The following VGLL1 variants were observed in gnomAD, a reference collection of about 807,000 sequenced individuals.
VGLL1 encodes vestigial like family member 1.
A neutral mutation model predicts 12.0 loss-of-function variants in VGLL1; 4 were observed. The observed-to-expected ratio is 0.33, with a 90% CI of 0.16 to 0.76. The LOEUF is 0.76. Among genes scored for constraint, VGLL1 ranks in the 30% least tolerant of loss-of-function variants. The pLI is 0.60. For missense variants in VGLL1, 204 were observed against 208.7 expected, an observed-to-expected ratio of 0.98 and a Z score of 0.14; for synonymous variants, 87 against 81.2, an observed-to-expected ratio of 1.07 and a Z score of -0.39.
chrX:136,554,642 G>T (rs1435041722), intron 4 of VGLL1, among the ~76,000 whole-genome samples: 1 of 112,142 alleles, frequency 8.9e-6, no homozygotes, highest in African/African-American at 3.2e-5. Flanking sequence ...GAGGCAAGAA[G>T]CATGAGAGGA....
chrX:136,543,028 C>T (rs891936613), intron 2 of VGLL1, among the ~76,000 whole-genome samples: 2 of 111,729 alleles, frequency 1.8e-5, no homozygotes, highest in Non-Finnish European at 3.8e-5. Context: ...AAGTGACTTG[C>T]CCAAGATCTC....
In VGLL1 at chrX:136,548,706, C is replaced by A; in HGVS notation, c.332C>A (p.Ala111Asp). ...AACTTGCATGTGCCTGGTCCCATGG[C>A]TGTGAATCAGTTCTCACCGTCCCTG... Reference protein sequence around the residue: ...NCNLHVPGPMAVNQFSPSLAR... With the variant: ...NCNLHVPGPMDVNQFSPSLAR... Residue 111 changes from alanine to aspartate, a missense_variant, in exon 3 of 5, where the codon GCT becomes GAT. Ala to Asp is a moderately radical substitution (Grantham distance 126, BLOSUM62 -2). Transcript: ENST00000370634. The A allele has an allele frequency of 8.3e-7, 1 of 1,212,051 alleles. No homozygotes were observed. Among genetic ancestry groups the A allele is most frequent in the Non-Finnish European group, 1.1e-6 (1 of 895,608 alleles).
Position 136,556,452 on chromosome X carries a change from T to C in VGLL1, c.690T>C (p.Thr230=), listed in dbSNP as rs762245255. Residue 230 remains threonine (T), a splice_region_variant and synonymous_variant, in exon 5 of 5, where the codon ACT becomes ACC. Coordinates refer to ENST00000370634, the MANE Select transcript of VGLL1 (RefSeq NM_016267.4). The part of the protein sequence containing the change: ...GSASTSLPNE[T]LSELETPGKY... The stretch of plus-strand genomic sequence containing the variant: ...TTAACCATGTAACTTCTCCTTTAGC[T>C]CTTTCAGAGTTAGAGACACCTGGGA... 4 of 1,209,554 alleles carry C rather than the reference T, an allele frequency of 3.3e-6. No homozygotes were observed. The Admixed American group carries it at 8.7e-5, about 26-fold the overall frequency.
chrX:136,542,106 G>C (rs757241254), intron 2 of VGLL1, among the ~76,000 whole-genome samples: 20 of 109,682 alleles, frequency 1.8e-4, no homozygotes, highest in Non-Finnish European at 3.0e-4. Context: ...GAAGGTGAGA[G>C]GGTATATACG....
rs150422310 is a variant in VGLL1 at position 136,536,731 on chromosome X, T to A, written c.214+497T>A. Reference sequence around the variant, plus strand: ...TATTTGACTATTGCATACTCCTCCATTAAATGAAAGTTCTGTGAGGGCAAG... The same window carrying A: ...TATTTGACTATTGCATACTCCTCCAATAAATGAAAGTTCTGTGAGGGCAAG... On this transcript the variant is annotated intron_variant, in intron 2 of 4. Transcript: ENST00000370634. Among the ~76,000 whole-genome samples, 871 of 112,407 alleles carry A rather than the reference T, an allele frequency of 7.7e-3. 12 individuals carry two copies. Among genetic ancestry groups the A allele is most frequent in the African/African-American group, 0.026 (814 of 30,970 alleles).
chrX:136,546,997 C>G (rs112832350), intron 2 of VGLL1, among the ~76,000 whole-genome samples: 4 of 113,169 alleles, frequency 3.5e-5, no homozygotes, highest in African/African-American at 1.3e-4. Flanking sequence ...TTGGACTTCT[C>G]TTCCTATCCT....
chrX:136,555,005 G>A (rs2075897364), intron 4 of VGLL1, among the ~76,000 whole-genome samples: 1 of 112,332 alleles, frequency 8.9e-6, no homozygotes, highest in Admixed American at 9.4e-5. Flanking sequence ...AGACATAGAA[G>A]AGAGGAGAGC....
At chrX:136,544,725 T>G (rs943192819) in intron 2 of VGLL1, among the ~76,000 whole-genome samples, 5 of 112,498 alleles carry the variant, frequency 4.4e-5, no homozygotes, top group Admixed American at 3.7e-4. Context: ...CCACCTCTGA[T>G]GTGTTATTCC....
intron 1 of VGLL1, among the ~76,000 whole-genome samples, chrX:136,532,633 CTTTCTTTCTTTCTTTCTTTCT>C (rs2075827388): frequency 1.1e-5 from 1 of 94,526 alleles, no homozygotes; most frequent in Non-Finnish European, 2.1e-5. Flanking sequence ...TTCTTTCTTT[CTTTCTTTCTTTCTTTCTTTCT>C]TTCTTTCTTT....
At chrX:136,541,378 G>A (rs963974365) in intron 2 of VGLL1, among the ~76,000 whole-genome samples, 10 of 112,018 alleles carry the variant, frequency 8.9e-5, no homozygotes, top group Non-Finnish European at 1.9e-4. Context: ...CCCTCACAGA[G>A]TGTGGTGCGG....
intron 3 of VGLL1, among the ~76,000 whole-genome samples, chrX:136,549,683 A>G (rs998502442): frequency 3.6e-5 from 4 of 110,488 alleles, no homozygotes; most frequent in Non-Finnish European, 5.7e-5. Context: ...TTCACCCAGC[A>G]AATATTTAAT....
chrX:136,540,018 C>A (rs2075851342), intron 2 of VGLL1, among the ~76,000 whole-genome samples: 1 of 111,564 alleles, frequency 9.0e-6, no homozygotes, highest in Non-Finnish European at 1.9e-5. Context: ...TATCCAAGAT[C>A]TGACCGCATC....
At chrX:136,553,787 C>T (rs1383642036) in intron 4 of VGLL1, among the ~76,000 whole-genome samples, 3 of 111,776 alleles carry the variant, frequency 2.7e-5, no homozygotes, top group Non-Finnish European at 3.8e-5. Context: ...CCCTAGTCCC[C>T]TCATGTGGGC....
chrX:136,556,366 G>A (rs1312324313), intron 4 of VGLL1, 85 bp from the exon 5 acceptor site: 4 of 727,746 alleles, frequency 5.5e-6, no homozygotes, highest in South Asian at 2.4e-5. Context: ...ACATCCCACA[G>A]GTGTTCATCT....
intron 4 of VGLL1, among the ~76,000 whole-genome samples, chrX:136,552,534 T>C: frequency 8.9e-6 from 1 of 112,547 alleles, no homozygotes; most frequent in African/African-American, 3.2e-5. Flanking sequence ...AACAACAACA[T>C]GTATTGGGTG....
chrX:136,541,483 A>G (rs374115728), intron 2 of VGLL1, among the ~76,000 whole-genome samples: 10 of 112,516 alleles, frequency 8.9e-5, no homozygotes, highest in East Asian at 8.4e-4. Flanking sequence ...AGTTTCTCAT[A>G]AGCTCTGCTG....
chrX:136,548,470 T>G (rs1260057673), intron 2 of VGLL1, 119 bp from the exon 3 acceptor site: 1 of 741,021 alleles, frequency 1.3e-6, no homozygotes, highest in Non-Finnish European at 2.0e-6. Context: ...GATGATTTTA[T>G]TTTAGCTTTT....
intron 4 of VGLL1, among the ~76,000 whole-genome samples, chrX:136,552,099 T>C (rs906608320): frequency 1.8e-5 from 2 of 111,282 alleles, no homozygotes; most frequent in African/African-American, 6.6e-5. Context: ...CCTTGCACAG[T>C]GGTATACAAA....
chrX:136,552,951 A>G (rs966188476), intron 4 of VGLL1, among the ~76,000 whole-genome samples: 1 of 111,830 alleles, frequency 8.9e-6, no homozygotes, highest in African/African-American at 3.3e-5. Context: ...AGCAAGCAAA[A>G]GAGCAAAGAA....
Sources: allele counts gnomAD v4.1 joint callset (sites outside exome capture counted in the v4.1 genomes callset), GRCh38; gene constraint gnomAD v4.1.1; transcripts MANE v1.5; gene names NCBI Gene and HGNC (gene_info 2026-07-23, HGNC 2026-07-21).